Variants in IL7 observed in about 807,000 individuals in gnomAD.
IL7 encodes the protein interleukin-7.
Under a neutral mutation model 21.6 loss-of-function variants are expected in IL7, and 3 were observed. That is an observed-to-expected ratio of 0.14 (90% confidence interval 0.06 to 0.36). The LOEUF is 0.36. Among genes scored for constraint, IL7 ranks in the 10% least tolerant of loss-of-function variants. IL7 has a pLI of 1.00. For synonymous variants in IL7, 62 were observed against 68.1 expected (o/e 0.91, Z 0.44); for missense variants, 175 against 200.2 (o/e 0.87, Z 0.76).
chr8:78,680,620 A>T (rs1809745978), intron 4 of IL7, among the ~76,000 whole-genome samples: 1 of 152,216 alleles, frequency 6.6e-6, no homozygotes, highest in Non-Finnish European at 1.5e-5. Context: ...GCAACTACAA[A>T]CTTCATTTTT....
At chr8:78,729,761 A>G (rs1040885143), downstream of IL7, among the ~76,000 whole-genome samples, 4 of 152,052 alleles carry the variant, frequency 2.6e-5, no homozygotes, top group African/African-American at 9.7e-5. Context: ...AGAATATGTT[A>G]TAAGATTTTT....
intron 2 of IL7, chr8:78,761,770 C>A: frequency 6.2e-7 from 1 of 1,612,006 alleles, no homozygotes. Context: ...TTGTCTCAAA[C>A]CGCTTTCTCA....
At chr8:78,693,189 C>T (rs1810272720) in intron 3 of IL7, among the ~76,000 whole-genome samples, 1 of 152,292 alleles carries the variant, frequency 6.6e-6, no homozygotes, top group East Asian at 1.9e-4. Flanking sequence ...CCGCAATAAA[C>T]ATACGTGTTT....
At chr8:78,686,758 C>A (rs1809989946) in intron 3 of IL7, 2 of 729,518 alleles carry the variant, frequency 2.7e-6, no homozygotes, top group Non-Finnish European at 3.9e-6. Context: ...TGGTGGTAAT[C>A]TAGTCATGTA....
chr8:78,712,136 A>C, intron 3 of IL7: 3 of 1,213,826 alleles, frequency 2.5e-6, no homozygotes, highest in Non-Finnish European at 3.2e-6. Flanking sequence ...TTTGGTTAAT[A>C]TTTTTCAGAT....
intron 4 of IL7, among the ~76,000 whole-genome samples, chr8:78,678,370 G>C (rs566607695): frequency 3.3e-5 from 5 of 152,150 alleles, no homozygotes; most frequent in Non-Finnish European, 5.9e-5. Flanking sequence ...AGATAACTTA[G>C]AGCGTGCATT....
At chr8:78,739,932 C>G (rs1437558511) in intron 3 of IL7, 70 bp downstream of exon 3, 1 of 1,359,510 alleles carries the variant, frequency 7.4e-7, no homozygotes, top group Non-Finnish European at 9.6e-7. Flanking sequence ...AATTGTCTAA[C>G]AGAGGCACAA....
chr8:78,742,568 T>C (rs35334542), intron 2 of IL7, among the ~76,000 whole-genome samples: 15,284 of 152,192 alleles, frequency 0.1, 843 homozygotes, highest in Middle Eastern at 0.16. Context: ...AAGTAACTTA[T>C]AAACTATAAT....
chr8:78,760,693 T>G, intron 2 of IL7: 3 of 1,585,608 alleles, frequency 1.9e-6, no homozygotes, highest in Non-Finnish European at 2.6e-6. Flanking sequence ...TTGGGACACT[T>G]AGGGTTTCTT....
At chr8:78,692,798 C>T (rs567943068) in intron 3 of IL7, among the ~76,000 whole-genome samples, 19 of 152,058 alleles carry the variant, frequency 1.2e-4, no homozygotes, top group Non-Finnish European at 2.1e-4. Flanking sequence ...TTGTTACATA[C>T]GTGTACATAT....
chr8:78,782,960 T>C (rs957067691), intron 2 of IL7, among the ~76,000 whole-genome samples: 8 of 152,180 alleles, frequency 5.3e-5, no homozygotes, highest in Non-Finnish European at 1.2e-4. Flanking sequence ...GGCAGTCTGG[T>C]GATTATCTGC....
intron 2 of IL7, among the ~76,000 whole-genome samples, chr8:78,773,453 C>T (rs374752484): frequency 6.6e-6 from 1 of 151,944 alleles, no homozygotes; most frequent in African/African-American, 2.4e-5. Context: ...ATTTGTGGAG[C>T]AAGACAGGGG....
chr8:78,694,463 C>G (rs1810331906), intron 3 of IL7, among the ~76,000 whole-genome samples: 1 of 152,054 alleles, frequency 6.6e-6, no homozygotes, highest in African/African-American at 2.4e-5. Flanking sequence ...AGTCTGGAAA[C>G]ATTTGAAATT....
chr8:78,765,420 C>T (rs1563426565), intron 2 of IL7, among the ~76,000 whole-genome samples: 1 of 151,936 alleles, frequency 6.6e-6, no homozygotes, highest in African/African-American at 2.4e-5. Flanking sequence ...AAAATATTTA[C>T]AAAAGACATA....
chr8:78,766,800 T>C (rs1173338726), intron 2 of IL7, among the ~76,000 whole-genome samples: 1 of 152,180 alleles, frequency 6.6e-6, no homozygotes, highest in Non-Finnish European at 1.5e-5. Flanking sequence ...TATCTCATTT[T>C]ATATTAATGC....
At chr8:78,740,653 C>T (rs907761136) in intron 2 of IL7, among the ~76,000 whole-genome samples, 6 of 152,180 alleles carry the variant, frequency 3.9e-5, no homozygotes, top group Admixed American at 3.9e-4. Context: ...GTATTTTCAA[C>T]AGTCACAACT....
intron 2 of IL7, among the ~76,000 whole-genome samples, chr8:78,741,373 C>T: frequency 6.6e-6 from 1 of 152,076 alleles, no homozygotes; most frequent in South Asian, 2.1e-4. Flanking sequence ...GTTGACTTCC[C>T]CATACCCCAA....
intron 3 of IL7, among the ~76,000 whole-genome samples, chr8:78,696,545 C>T (rs896084338): frequency 1.3e-5 from 2 of 151,976 alleles, no homozygotes; most frequent in African/African-American, 4.8e-5. Flanking sequence ...CTTTTATTGT[C>T]AGGTAACTGA....
At chr8:78,697,859 T>A (rs1381417640) in intron 3 of IL7, among the ~76,000 whole-genome samples, 1 of 152,040 alleles carries the variant, frequency 6.6e-6, no homozygotes, top group African/African-American at 2.4e-5. Flanking sequence ...TTTGTATTTT[T>A]AATAGAGATG....
Sources: gnomAD v4.1 joint callset for allele counts (sites outside exome capture counted in the v4.1 genomes callset) on GRCh38, gnomAD v4.1.1 for gene constraint, MANE v1.5 for transcripts, NCBI Gene and HGNC (gene_info 2026-07-23, HGNC 2026-07-21) for gene names.